Variants in KAZN observed in about 807,000 individuals in gnomAD.
KAZN encodes the protein kazrin, periplakin interacting protein.
A neutral mutation model predicts 87.4 loss-of-function variants in KAZN; 40 were observed. The ratio of observed to expected loss-of-function variants is 0.46; its 90% confidence interval spans 0.36 to 0.60. The LOEUF (loss-of-function observed/expected upper bound fraction) is 0.60. KAZN is among the 20% of genes least tolerant of loss of function. The probability of loss-of-function intolerance (pLI) is 0.00; values close to 1 mark genes in which losing one functional copy is unlikely to be tolerated. For synonymous variants in KAZN, 466 were observed against 458.3 expected, an observed-to-expected ratio of 1.02 and a Z score of -0.22; for missense variants, 898 against 1,073.9, an observed-to-expected ratio of 0.84 and a Z score of 2.29.
intron 2 of KAZN, among the ~76,000 whole-genome samples, chr1:14,250,447 AC>A (rs1649919018): frequency 6.6e-6 from 1 of 150,704 alleles, no homozygotes; most frequent in Admixed American, 6.6e-5. Flanking sequence ...GCAGAAAGAA[AC>A]AGAATCAGCA....
chr1:14,829,967 T>C (rs926948947), intron 1 of KAZN, among the ~76,000 whole-genome samples: 3 of 152,236 alleles, frequency 2.0e-5, no homozygotes, highest in Admixed American at 1.3e-4. Context: ...TAGCAAGTGG[T>C]CAACACATGA....
At chr1:14,651,059 C>CAT (rs1245130811) in intron 1 of KAZN, among the ~76,000 whole-genome samples, 1 of 152,224 alleles carries the variant, frequency 6.6e-6, no homozygotes, top group Non-Finnish European at 1.5e-5. Context: ...TCATTCAACA[C>CAT]ATATTCAACC....
At chr1:14,050,424 C>T (rs533430566) in intron 1 of KAZN, among the ~76,000 whole-genome samples, 20 of 152,116 alleles carry the variant, frequency 1.3e-4, no homozygotes, top group Non-Finnish European at 2.6e-4. Context: ...CTCACAGTTC[C>T]GCATGGCTGG....
chr1:15,116,099 A>G lies in KAZN; in HGVS notation c.*1464A>G, dbSNP rs1641833238. The G allele has an allele frequency of 6.6e-6, 1 of 152,228 alleles. No individual in the cohort carries two copies. The highest frequency in any genetic ancestry group is 2.1e-4 in the South Asian group (1 of 4,830). 9.4% of individuals were successfully genotyped at this position (152,228 alleles called of 1,614,324 possible). On this transcript the variant is annotated 3_prime_UTR_variant, in exon 15 of 15. Transcript: ENST00000376030. ...TCAGTTCATTGACCAGATGACAGCCACGTGATGATTAGGGAAGGACGGATG... is the reference window on the plus strand; with the variant it reads ...TCAGTTCATTGACCAGATGACAGCCGCGTGATGATTAGGGAAGGACGGATG...
Position 14,599,156 on chromosome 1 carries a change from G to T in KAZN, c.159G>T (p.Ala53=). The change falls in exon 1 of 15, where the codon GCG becomes GCT. Residue 53 remains alanine, a synonymous_variant. Coordinates refer to ENST00000376030, the MANE Select transcript of KAZN (RefSeq NM_201628.3). The surrounding 1 kb of genome is among the most constrained non-coding windows in gnomAD (Gnocchi z 4.4). ...GGGPGPGPGA[A]ASASAAGDSA... ...GCCCCGGCCCGGGCCCGGGAGCCGC[G>T]GCCAGCGCCTCGGCGGCGGGGGACT... 1 of 1,395,512 alleles carries T rather than the reference G, an allele frequency of 7.2e-7. No homozygotes were observed. Among genetic ancestry groups the T allele is most frequent in the Non-Finnish European group, 9.3e-7 (1 of 1,079,094 alleles). 86.4% of individuals were successfully genotyped at this position (1,395,512 alleles called of 1,614,324 possible).
Position 14,983,825 on chromosome 1 carries a change from C to T in KAZN, c.418+22950C>T, listed in dbSNP as rs140830586. 5.3e-4 allele frequency among the ~76,000 whole-genome samples: 81 copies of T among 152,112 alleles called. 1 individual carries two copies. The East Asian group carries it at 0.015, about 29-fold the overall frequency. ...GGCGTGGTGGCACGCTTCTGTAATC[C>T]CAACTACTCAGGAGGCTGAGGCAGG... On this transcript the variant is annotated intron_variant, in intron 2 of 14. Transcript: ENST00000376030.
Position 14,666,728 on chromosome 1 carries a change from A to C in KAZN, c.226+67505A>C, listed in dbSNP as rs183404019. On this transcript the variant is annotated intron_variant, in intron 1 of 14. Coordinates refer to ENST00000376030, the MANE Select transcript of KAZN (RefSeq NM_201628.3). Reference sequence around the variant, plus strand: ...TCACGGGGCCTTCTCCGTGCCTCTGAGTCCTCTCCTCTTCTTTTTTTAGTT... The same window carrying C: ...TCACGGGGCCTTCTCCGTGCCTCTGCGTCCTCTCCTCTTCTTTTTTTAGTT... 4.6e-3 allele frequency among the ~76,000 whole-genome samples: 694 copies of C among 152,002 alleles called. 3 individuals carry two copies. Among genetic ancestry groups the C allele is most frequent in the Non-Finnish European group, 6.6e-3 (451 of 67,940 alleles).
At chr1:14,464,793 C>T (rs1668028542) in intron 2 of KAZN, among the ~76,000 whole-genome samples, 1 of 151,910 alleles carries the variant, frequency 6.6e-6, no homozygotes, top group Non-Finnish European at 1.5e-5. Flanking sequence ...CACCTGCCTC[C>T]ACCTCCCAAA....
intron 1 of KAZN, among the ~76,000 whole-genome samples, chr1:14,018,792 A>C (rs767824114): frequency 6.6e-5 from 10 of 152,114 alleles, no homozygotes; most frequent in Non-Finnish European, 1.2e-4. Context: ...CAGGACTTAC[A>C]CCATGGTCCC....
intron 1 of KAZN, among the ~76,000 whole-genome samples, chr1:14,689,216 A>G (rs1436385533): frequency 2.6e-5 from 4 of 151,948 alleles, no homozygotes; most frequent in Non-Finnish European, 5.9e-5. Flanking sequence ...AAACAAAACA[A>G]AACAAAACAA....
At chr1:14,031,559 A>T (rs1439271516) in intron 1 of KAZN, among the ~76,000 whole-genome samples, 1 of 152,152 alleles carries the variant, frequency 6.6e-6, no homozygotes, top group Non-Finnish European at 1.5e-5. Flanking sequence ...GACATTCACC[A>T]TTTCCTCCTA....
chr1:14,634,216 A>G (rs1679793182), intron 1 of KAZN, among the ~76,000 whole-genome samples: 1 of 152,194 alleles, frequency 6.6e-6, no homozygotes. Flanking sequence ...CATTTACACC[A>G]TATTGGCACT....
intron 1 of KAZN, among the ~76,000 whole-genome samples, chr1:14,103,850 G>A (rs770021444): frequency 1.3e-4 from 20 of 152,124 alleles, no homozygotes; most frequent in Non-Finnish European, 2.6e-4. Flanking sequence ...GGATTAGTAC[G>A]GAGACATCGT....
chr1:13,900,641 A>G (rs1453447401), intron 1 of KAZN, among the ~76,000 whole-genome samples: 1 of 152,168 alleles, frequency 6.6e-6, no homozygotes, highest in African/African-American at 2.4e-5. Flanking sequence ...TATTTGTCAG[A>G]GGCAGGGGCA....
chr1:13,936,530 C>T (rs1640750944), intron 1 of KAZN, among the ~76,000 whole-genome samples: 1 of 152,208 alleles, frequency 6.6e-6, no homozygotes, highest in African/African-American at 2.4e-5. Context: ...CCCTCCCACT[C>T]TTCCACCTTT....
At chr1:14,638,243 T>C (rs894272084) in intron 1 of KAZN, among the ~76,000 whole-genome samples, 1 of 152,146 alleles carries the variant, frequency 6.6e-6, no homozygotes, top group Non-Finnish European at 1.5e-5. Flanking sequence ...GGGACACCAT[T>C]CAACCCACAA....
chr1:14,625,538 G>C (rs1679071180), intron 1 of KAZN, among the ~76,000 whole-genome samples: 1 of 152,130 alleles, frequency 6.6e-6, no homozygotes, highest in African/African-American at 2.4e-5. Flanking sequence ...ATAATTAGCA[G>C]CTAAAAGATT....
At chr1:14,869,037 G>A (rs1258257795) in intron 1 of KAZN, among the ~76,000 whole-genome samples, 1 of 152,132 alleles carries the variant, frequency 6.6e-6, no homozygotes, top group African/African-American at 2.4e-5. Flanking sequence ...TAGTCAGGAT[G>A]CCAGATTCCC....
intron 3 of KAZN, among the ~76,000 whole-genome samples, chr1:15,042,659 G>A (rs1306220994): frequency 6.6e-6 from 1 of 152,184 alleles, no homozygotes; most frequent in Non-Finnish European, 1.5e-5. Flanking sequence ...GCAAAGCCAG[G>A]ATTTGGCCCA....
Sources: allele counts gnomAD v4.1 joint callset (sites outside exome capture counted in the v4.1 genomes callset), GRCh38; gene constraint gnomAD v4.1.1; non-coding constraint Gnocchi (gnomAD v3.1); transcripts MANE v1.5; gene names NCBI Gene and HGNC (gene_info 2026-07-23, HGNC 2026-07-21).